Variants in FGF12 observed in about 807,000 individuals in gnomAD.
FGF12 encodes the protein fibroblast growth factor 12B.
A neutral mutation model predicts 23.6 loss-of-function variants in FGF12; 14 were observed. The ratio of observed to expected loss-of-function variants is 0.59; its 90% CI spans 0.39 to 0.93. The LOEUF is 0.93. FGF12 is among the 40% of genes least tolerant of loss of function. FGF12 has a pLI of 0.00. For missense variants in FGF12, 175 were observed against 217.8 expected, an observed-to-expected ratio of 0.80 and a Z score of 1.24; for synonymous variants, 62 against 77.3, an observed-to-expected ratio of 0.80 and a Z score of 1.04.
chr3:192,702,315 A>G (rs548020295), intron 2 of FGF12, among the ~76,000 whole-genome samples: 1 of 152,296 alleles, frequency 6.6e-6, no homozygotes, highest in South Asian at 2.1e-4. Flanking sequence ...GGATAATTCT[A>G]AAGTTAGGTA....
chr3:192,709,729 T>G (rs1718601523), intron 2 of FGF12, among the ~76,000 whole-genome samples: 2 of 152,318 alleles, frequency 1.3e-5, no homozygotes, highest in African/African-American at 4.8e-5. Context: ...ATTGCTTGAA[T>G]AGTGAGAGTT....
chr3:192,588,130 G>C (rs1713449410), intron 2 of FGF12, among the ~76,000 whole-genome samples: 1 of 151,360 alleles, frequency 6.6e-6, no homozygotes, highest in East Asian at 1.9e-4. Context: ...TGAATAACCA[G>C]GTCAGGAGAC....
intron 2 of FGF12, among the ~76,000 whole-genome samples, chr3:192,391,734 G>A (rs1027934112): frequency 6.6e-6 from 1 of 152,204 alleles, no homozygotes; most frequent in African/African-American, 2.4e-5. Flanking sequence ...GGATAGGTAA[G>A]TTTGGTGTCC....
intron 2 of FGF12, among the ~76,000 whole-genome samples, chr3:192,721,118 T>C (rs1719026052): frequency 6.6e-6 from 1 of 152,156 alleles, no homozygotes; most frequent in Non-Finnish European, 1.5e-5. Flanking sequence ...TGAAGGGTGA[T>C]TTATTGAGTG....
chr3:192,255,762 T>A lies in FGF12; in HGVS notation c.228+79599A>T, dbSNP rs146967058. Among the ~76,000 whole-genome samples, 420 of 152,208 alleles carry A rather than the reference T, an allele frequency of 2.8e-3. 3 individuals carry two copies. Among genetic ancestry groups the A allele is most frequent in the African/African-American group, 9.6e-3 (401 of 41,572 alleles). On this transcript the variant is annotated intron_variant, in intron 4 of 5. Transcript: ENST00000445105. ...CAAGCAGTTTTTAACATGAAAGAAA[T>A]ATGTTACATTTACTAAACGTAGCCA...
At chr3:192,225,391 T>C (rs945278723) in intron 4 of FGF12, among the ~76,000 whole-genome samples, 4 of 152,122 alleles carry the variant, frequency 2.6e-5, no homozygotes, top group Non-Finnish European at 5.9e-5. Context: ...CTCTCCCTCA[T>C]GCTAATCAAT....
intron 2 of FGF12, among the ~76,000 whole-genome samples, chr3:192,373,953 C>A (rs1191472118): frequency 6.6e-6 from 1 of 152,176 alleles, no homozygotes; most frequent in African/African-American, 2.4e-5. Flanking sequence ...ATCTCTCAAA[C>A]TTATGGAGAC....
At chr3:192,176,282 C>T (rs12486942) in intron 4 of FGF12, among the ~76,000 whole-genome samples, 6,626 of 152,258 alleles carry the variant, frequency 0.044, 188 homozygotes, top group Admixed American at 0.059. Context: ...CAAGACTCTT[C>T]AGGTTACAGC....
At chr3:192,248,429 A>G (rs186669909) in intron 4 of FGF12, among the ~76,000 whole-genome samples, 8 of 152,338 alleles carry the variant, frequency 5.3e-5, no homozygotes, top group African/African-American at 7.2e-5. Context: ...AATTACTAAC[A>G]CTGAATATAC....
chr3:192,530,662 A>G (rs141156967), intron 2 of FGF12, among the ~76,000 whole-genome samples: 27 of 152,366 alleles, frequency 1.8e-4, no homozygotes, highest in African/African-American at 6.5e-4. Flanking sequence ...TCAAAATTCT[A>G]TAAGAAGTGA....
chr3:192,151,303 T>G (rs1714043138), intron 5 of FGF12, among the ~76,000 whole-genome samples: 2 of 138,930 alleles, frequency 1.4e-5, no homozygotes, highest in Non-Finnish European at 3.1e-5. Flanking sequence ...TTGAATACCC[T>G]TTATTTCCTT....
At chr3:192,282,687 A>AT in intron 4 of FGF12, 1 of 152,092 alleles carries the variant, frequency 6.6e-6, no homozygotes, top group Middle Eastern at 3.4e-3. Context: ...TTAGATATAT[A>AT]TATGTATATA....
chr3:192,630,195 C>G (rs1013609361), intron 2 of FGF12, among the ~76,000 whole-genome samples: 1 of 152,174 alleles, frequency 6.6e-6, no homozygotes, highest in Non-Finnish European at 1.5e-5. Context: ...TCTTTGGCTT[C>G]TGCCATCATT....
chr3:192,727,073 C>A, intron 2 of FGF12, 108 bp downstream of exon 2: 1 of 1,367,450 alleles, frequency 7.3e-7, no homozygotes, highest in Non-Finnish European at 1.0e-6. Flanking sequence ...CCTCCTCTAT[C>A]GACCTAGTAT....
intron 4 of FGF12, among the ~76,000 whole-genome samples, chr3:192,220,889 A>T (rs1339672076): frequency 6.6e-6 from 1 of 152,232 alleles, no homozygotes; most frequent in Non-Finnish European, 1.5e-5. Flanking sequence ...TCTCCTTTCC[A>T]TCTTCAAGGC....
chr3:192,600,899 A>G (rs992846135), intron 2 of FGF12, among the ~76,000 whole-genome samples: 3 of 152,144 alleles, frequency 2.0e-5, no homozygotes, highest in African/African-American at 7.2e-5. Context: ...AGGTTCCTCA[A>G]AAAACTACAA....
intron 4 of FGF12, among the ~76,000 whole-genome samples, chr3:192,329,579 C>T (rs1481130805): frequency 1.3e-5 from 2 of 152,026 alleles, no homozygotes; most frequent in African/African-American, 4.8e-5. Context: ...AGAGGATGGT[C>T]GAGGGCTTAC....
rs543093488 is a variant in FGF12, at chr3:192,577,079, T to C, written c.13+150102A>G. Among the ~76,000 whole-genome samples the C allele has an allele frequency of 6.6e-5, 10 of 152,092 alleles. No individual in the cohort carries two copies. In the East Asian group the frequency reaches 1.5e-3, roughly 24 times the overall value. ...GGCGGGTGGGGGACTAGGGGAGGGA[T>C]AGCATTAGGAGAAATACCTAATGTA... On this transcript the variant is annotated intron_variant, in intron 2 of 5. Coordinates refer to ENST00000445105, the MANE Select transcript of FGF12 (RefSeq NM_004113.6).
intron 4 of FGF12, among the ~76,000 whole-genome samples, chr3:192,280,391 T>A (rs1248267106): frequency 6.6e-6 from 1 of 152,084 alleles, no homozygotes; most frequent in Non-Finnish European, 1.5e-5. Context: ...TAACTCAATA[T>A]TTTACTTTCT....
Sources: gnomAD v4.1 joint callset for allele counts (sites outside exome capture counted in the v4.1 genomes callset) on GRCh38, gnomAD v4.1.1 for gene constraint, MANE v1.5 for transcripts, NCBI Gene and HGNC (gene_info 2026-07-23, HGNC 2026-07-21) for gene names.